CCDC38: variants seen among roughly 807,000 people sequenced by gnomAD.
CCDC38 encodes the protein coiled-coil domain containing 38.
Under a neutral mutation model 72.8 loss-of-function variants are expected in CCDC38, and 69 were observed. That is an observed-to-expected ratio of 0.95 (90% CI 0.78 to 1.16). The LOEUF (loss-of-function observed/expected upper bound fraction) is 1.16, where lower values mean the gene tolerates loss of function less well. Ranked by LOEUF, CCDC38 falls within the 50% of genes most tolerant of loss-of-function variation. CCDC38 has a pLI of 0.00. For synonymous variants in CCDC38, 201 were observed against 213.2 expected (o/e 0.94, Z 0.50); for missense variants, 626 against 638.9 (o/e 0.98, Z 0.22).
intron 14 of CCDC38, among the ~76,000 whole-genome samples, chr12:95,871,774 G>T (rs1445310624): frequency 2.6e-5 from 4 of 151,914 alleles, no homozygotes; most frequent in African/African-American, 9.7e-5. Context: ...TTAGGAATTT[G>T]GAGCCCTTCA....
At chr12:95,869,972 T>C (rs971186870) in intron 14 of CCDC38, among the ~76,000 whole-genome samples, 10 of 152,008 alleles carry the variant, frequency 6.6e-5, no homozygotes, top group Non-Finnish European at 1.2e-4. Flanking sequence ...TACAGGTGCA[T>C]GCCACCACAC....
rs960024481 is a variant in CCDC38, at chr12:95,932,186, G to A, written c.37+4287C>T. 2.6e-5 allele frequency among the ~76,000 whole-genome samples: 4 copies of A among 152,112 alleles called. No individual in the cohort carries two copies. In the East Asian group the frequency reaches 5.8e-4, roughly 22 times the overall value. On this transcript the variant is annotated intron_variant, in intron 2 of 15. Coordinates refer to ENST00000344280, the MANE Select transcript of CCDC38 (RefSeq NM_182496.3). Reference sequence around the variant, plus strand: ...AGTTGGATAAGAAGAGACTTGGAGTGGGGGAGTCAAGGATTGAGATCAGAC... The same window carrying A: ...AGTTGGATAAGAAGAGACTTGGAGTAGGGGAGTCAAGGATTGAGATCAGAC...
chr12:95,937,901 C>T (rs2080411190), intron 1 of CCDC38, among the ~76,000 whole-genome samples: 1 of 152,202 alleles, frequency 6.6e-6, no homozygotes, highest in Non-Finnish European at 1.5e-5. Flanking sequence ...ATGGAGCCTA[C>T]ATCTTAATTA....
At chr12:95,878,368 A>G (rs895300656) in intron 12 of CCDC38, 22 bp from the exon 13 acceptor site, 3 of 1,602,952 alleles carry the variant, frequency 1.9e-6, no homozygotes, top group Non-Finnish European at 2.5e-6. Context: ...GAAGAAAGAG[A>G]CCCTCATCTG....
chr12:95,938,957 T>A (rs1222582821), intron 1 of CCDC38, among the ~76,000 whole-genome samples: 2 of 152,194 alleles, frequency 1.3e-5, no homozygotes, highest in Non-Finnish European at 2.9e-5. Flanking sequence ...ATATCAGGAA[T>A]GTAAAATGGT....
intron 1 of CCDC38, among the ~76,000 whole-genome samples, chr12:95,937,201 C>T (rs141985457): frequency 0.011 from 1,651 of 152,200 alleles, 32 homozygotes; most frequent in African/African-American, 0.037. Flanking sequence ...ATTGTAAATA[C>T]GGACAGTCTC....
At chr12:95,934,019 GT>G (rs1186080471) in intron 2 of CCDC38, 1 of 151,672 alleles carries the variant, frequency 6.6e-6, no homozygotes, top group Non-Finnish European at 1.5e-5. Flanking sequence ...AAAAACAATT[GT>G]TTTTAAAAGA....
intron 14 of CCDC38, among the ~76,000 whole-genome samples, chr12:95,870,548 AATGT>A (rs1463974016): frequency 1.3e-5 from 2 of 152,350 alleles, no homozygotes; most frequent in East Asian, 3.9e-4. Context: ...TTTTAAGAAG[AATGT>A]AAGTAATTGG....
At chr12:95,889,467 C>T (rs2079799492) in intron 9 of CCDC38, among the ~76,000 whole-genome samples, 1 of 152,162 alleles carries the variant, frequency 6.6e-6, no homozygotes, top group African/African-American at 2.4e-5. Flanking sequence ...CCCCCACACC[C>T]TACTCAAGAT....
chr12:95,937,322 T>G (rs1002667998), intron 1 of CCDC38, among the ~76,000 whole-genome samples: 1 of 152,184 alleles, frequency 6.6e-6, no homozygotes, highest in Non-Finnish European at 1.5e-5. Context: ...TTATCATGAA[T>G]TTTTTACATT....
intron 14 of CCDC38, among the ~76,000 whole-genome samples, chr12:95,871,743 G>T (rs12582750): frequency 0.18 from 27,710 of 151,766 alleles, 2,742 homozygotes; most frequent in African/African-American, 0.26. Flanking sequence ...GTGTTGCTCA[G>T]ACTTTCAAAC....
At chr12:95,887,529 C>T (rs1160832825) in intron 10 of CCDC38, among the ~76,000 whole-genome samples, 1 of 152,186 alleles carries the variant, frequency 6.6e-6, no homozygotes, top group African/African-American at 2.4e-5. Context: ...TAGGATTCCA[C>T]TTATAGAACA....
chr12:95,905,604 A>G (rs1345646037), intron 5 of CCDC38, among the ~76,000 whole-genome samples: 1 of 152,242 alleles, frequency 6.6e-6, no homozygotes, highest in Non-Finnish European at 1.5e-5. Flanking sequence ...GTGATGTGAA[A>G]TTAGGAAAAG....
intron 1 of CCDC38, among the ~76,000 whole-genome samples, 168 bp from the exon 2 acceptor site, chr12:95,936,691 A>C (rs899890023): frequency 5.3e-5 from 8 of 152,194 alleles, no homozygotes; most frequent in African/African-American, 1.9e-4. Flanking sequence ...TTATGTCAAG[A>C]AAATAATCAG....
chr12:95,926,886 A>G (rs1321276025), intron 2 of CCDC38, among the ~76,000 whole-genome samples: 1 of 151,350 alleles, frequency 6.6e-6, no homozygotes, highest in East Asian at 1.9e-4. Flanking sequence ...TTCTAGTTTG[A>G]TTGCACTGTG....
chr12:95,890,949 G>T lies in CCDC38; in HGVS notation c.773-19C>A. 1 of 1,377,378 alleles carries T rather than the reference G, an allele frequency of 7.3e-7. No homozygotes were observed. 85.3% of individuals were successfully genotyped at this position (1,377,378 alleles called of 1,614,324 possible). On this transcript the variant is annotated intron_variant, in intron 8 of 15. Transcript: ENST00000344280. Reference sequence around the variant, plus strand: ...GATAATTCTAGAAATGGCAAATGAAGAGGAGAGAGACAGAGAAAGATGGGG... The same window carrying T: ...GATAATTCTAGAAATGGCAAATGAATAGGAGAGAGACAGAGAAAGATGGGG...
In CCDC38 at chr12:95,918,988, G is replaced by A. The variant is rs768057140; in HGVS notation, c.38-12C>T. On this transcript the variant is annotated splice_polypyrimidine_tract_variant and intron_variant, in intron 2 of 15. Coordinates refer to ENST00000344280, the MANE Select transcript of CCDC38 (RefSeq NM_182496.3). Reference sequence around the variant, plus strand: ...ATCTTTTACTTTACCTGTTAAAAAAGAAAGAATGAATGAATGAATTCTGTC... The same window carrying A: ...ATCTTTTACTTTACCTGTTAAAAAAAAAAGAATGAATGAATGAATTCTGTC... 4 of 1,491,352 alleles carry A rather than the reference G, an allele frequency of 2.7e-6. No individual in the cohort carries two copies. The highest frequency in any genetic ancestry group is 1.1e-5 in the South Asian group (1 of 88,026). 92.4% of individuals were successfully genotyped at this position (1,491,352 alleles called of 1,614,324 possible).
chr12:95,927,311 T>C (rs1393918477), intron 2 of CCDC38, among the ~76,000 whole-genome samples: 1 of 151,860 alleles, frequency 6.6e-6, no homozygotes, highest in Non-Finnish European at 1.5e-5. Context: ...CTTGTCTCTT[T>C]TGATCTTTGT....
chr12:95,893,527 C>G (rs2079853993), intron 8 of CCDC38, among the ~76,000 whole-genome samples: 1 of 150,834 alleles, frequency 6.6e-6, no homozygotes, highest in Admixed American at 6.7e-5. Flanking sequence ...CTCCCATCAC[C>G]CAGGCTGGAG....
Sources: gnomAD v4.1 joint callset for allele counts (sites outside exome capture counted in the v4.1 genomes callset) on GRCh38, gnomAD v4.1.1 for gene constraint, MANE v1.5 for transcripts, NCBI Gene and HGNC (gene_info 2026-07-23, HGNC 2026-07-21) for gene names.